Variants in DLG2 observed in about 807,000 individuals in gnomAD.
DLG2 encodes discs large MAGUK scaffold protein 2, also known as disks large homolog 2.
In DLG2, 45 loss-of-function variants were observed where a neutral mutation model predicts 132.5. The ratio of observed to expected loss-of-function variants is 0.34; its 90% CI spans 0.27 to 0.44. DLG2 has a LOEUF of 0.44. Ranked by LOEUF, DLG2 falls within the 20% of genes least tolerant of loss-of-function variation. The pLI is 1.00. For synonymous variants in DLG2, 424 were observed against 419.6 expected (o/e 1.01, Z -0.13); for missense variants, 1,045 against 1,196.9 (o/e 0.87, Z 1.87).
At chr11:84,494,968 C>G (rs544974088) in intron 7 of DLG2, among the ~76,000 whole-genome samples, 1 of 152,204 alleles carries the variant, frequency 6.6e-6, no homozygotes, top group African/African-American at 2.4e-5. Flanking sequence ...TATCACTTTC[C>G]TGTGCTTCAA....
At chr11:83,941,880 A>T (rs901013120) in intron 14 of DLG2, among the ~76,000 whole-genome samples, 4 of 152,226 alleles carry the variant, frequency 2.6e-5, no homozygotes, top group African/African-American at 9.6e-5. Context: ...TTTATTTTTA[A>T]ATTTCACATT....
At chr11:85,060,227 T>C (rs572576606) in intron 6 of DLG2, among the ~76,000 whole-genome samples, 22 of 151,484 alleles carry the variant, frequency 1.5e-4, no homozygotes, top group African/African-American at 5.3e-4. Flanking sequence ...TCACTTAGTA[T>C]AATGTCCTAA....
chr11:85,198,099 T>C (rs2081196300), intron 4 of DLG2, among the ~76,000 whole-genome samples: 2 of 152,014 alleles, frequency 1.3e-5, no homozygotes, highest in Non-Finnish European at 2.9e-5. Context: ...AGACAGTCTT[T>C]TATAAAGAAA....
rs1469493410 is a variant in DLG2 at position 84,476,826 on chromosome 11, T to C, written c.519+57744A>G. 9.9e-5 allele frequency among the ~76,000 whole-genome samples: 15 copies of C among 152,174 alleles called. 1 individual carries two copies. Among genetic ancestry groups the C allele is most frequent in the Admixed American group, 9.8e-4 (15 of 15,256 alleles). On this transcript the variant is annotated intron_variant, in intron 7 of 27. Coordinates refer to ENST00000376104, the MANE Select transcript of DLG2 (RefSeq NM_001142699.3). ...TTTGAATGAATGAACCAGCAGATGA[T>C]TCCAGCCTCTTTGTGTCTTCCCACT...
chr11:84,212,469 C>T (rs1186848663), intron 8 of DLG2, among the ~76,000 whole-genome samples: 2 of 152,164 alleles, frequency 1.3e-5, no homozygotes, highest in African/African-American at 2.4e-5. Flanking sequence ...CTCTAAGTTT[C>T]ATTTGCTTAA....
chr11:84,743,012 A>G (rs963354900), intron 6 of DLG2, among the ~76,000 whole-genome samples: 1 of 151,924 alleles, frequency 6.6e-6, no homozygotes, highest in Admixed American at 6.6e-5. Flanking sequence ...TATCATAGAG[A>G]CCCTAGTAGT....
rs368866005 is a variant in DLG2, at chr11:84,363,542, C to T, written c.520-112251G>A. ...AGATCCCATTTGTCAATTTTGTCTT[C>T]TGTTGCCATTGCTTTTGGTGTTTTA... On this transcript the variant is annotated intron_variant, in intron 7 of 27. Coordinates refer to ENST00000376104, the MANE Select transcript of DLG2 (RefSeq NM_001142699.3). Among the ~76,000 whole-genome samples the T allele has an allele frequency of 8.4e-3, 1,274 of 151,540 alleles. 10 individuals are homozygous for T. Among genetic ancestry groups the T allele is most frequent in the African/African-American group, 0.029 (1,191 of 41,282 alleles).
At chr11:84,012,338 GCA>G (rs144129907) in intron 11 of DLG2, among the ~76,000 whole-genome samples, 139 of 152,190 alleles carry the variant, frequency 9.1e-4, no homozygotes, top group African/African-American at 3.3e-3. Context: ...GGCAAGAAAC[GCA>G]CAGAGTAGGA....
At chr11:84,836,284 T>G (rs1271619898) in intron 6 of DLG2, among the ~76,000 whole-genome samples, 1 of 151,812 alleles carries the variant, frequency 6.6e-6, no homozygotes, top group Non-Finnish European at 1.5e-5. Flanking sequence ...ATGGTTCATA[T>G]TAGAAGGAAT....
intron 7 of DLG2, among the ~76,000 whole-genome samples, chr11:84,309,988 T>A (rs2098270605): frequency 6.6e-6 from 1 of 152,178 alleles, no homozygotes; most frequent in Admixed American, 6.5e-5. Flanking sequence ...CTGCTTCAGA[T>A]CTACATAGTT....
At chr11:84,391,882 G>A (rs2098793717) in intron 7 of DLG2, among the ~76,000 whole-genome samples, 2 of 152,042 alleles carry the variant, frequency 1.3e-5, no homozygotes, top group Admixed American at 6.6e-5. Flanking sequence ...GCCAGCTAAG[G>A]GGGTACAAAG....
intron 6 of DLG2, chr11:84,997,102 TA>T (rs893807520): frequency 7.6e-4 from 117 of 153,262 alleles, no homozygotes; most frequent in African/African-American, 2.6e-3. Flanking sequence ...CTAAATACAG[TA>T]GCAATATGAC....
At chr11:83,936,258 A>G (rs1159235551) in intron 14 of DLG2, among the ~76,000 whole-genome samples, 2 of 152,214 alleles carry the variant, frequency 1.3e-5, no homozygotes, top group Non-Finnish European at 2.9e-5. Context: ...GGTGCCTTCT[A>G]AAGACTCACT....
At chr11:84,363,943 T>C (rs557377738) in intron 7 of DLG2, among the ~76,000 whole-genome samples, 175 of 152,328 alleles carry the variant, frequency 1.1e-3, no homozygotes, top group African/African-American at 4.1e-3. Flanking sequence ...TCAGGTAGCA[T>C]GATGCCTCCA....
At chr11:84,438,426 A>G (rs960971824) in intron 7 of DLG2, among the ~76,000 whole-genome samples, 13 of 152,104 alleles carry the variant, frequency 8.5e-5, no homozygotes, top group Admixed American at 2.6e-4. Context: ...AGGGGTTCAA[A>G]TCGAGTGTTA....
intron 6 of DLG2, chr11:85,021,274 G>T: frequency 7.7e-7 from 1 of 1,294,396 alleles, no homozygotes; most frequent in Non-Finnish European, 1.1e-6. Flanking sequence ...TACACGTGCT[G>T]GGTGACTGTA....
At chr11:85,517,116 T>C (rs1020992643) in intron 3 of DLG2, among the ~76,000 whole-genome samples, 1 of 152,058 alleles carries the variant, frequency 6.6e-6, no homozygotes, top group Non-Finnish European at 1.5e-5. Flanking sequence ...CAAGAGTATT[T>C]CAATATATGC....
At chr11:84,913,303 AT>A (rs1311704739) in intron 6 of DLG2, among the ~76,000 whole-genome samples, 3 of 152,088 alleles carry the variant, frequency 2.0e-5, no homozygotes, top group East Asian at 1.9e-4. Context: ...TGAAGTATGT[AT>A]TTTTTCCCCT....
intron 6 of DLG2, among the ~76,000 whole-genome samples, chr11:84,932,704 T>C (rs1475010718): frequency 6.8e-6 from 1 of 146,168 alleles, no homozygotes; most frequent in African/African-American, 2.6e-5. Flanking sequence ...TCCTTTTTTA[T>C]GGCTGCACAG....
Sources: allele counts gnomAD v4.1 joint callset (sites outside exome capture counted in the v4.1 genomes callset), GRCh38; gene constraint gnomAD v4.1.1; transcripts MANE v1.5; gene names NCBI Gene and HGNC (gene_info 2026-07-23, HGNC 2026-07-21).